Variants in KPNA1 observed in about 807,000 individuals in gnomAD.
KPNA1 encodes the protein karyopherin subunit alpha 1, also known as importin subunit alpha-5.
Under a neutral mutation model 70.5 loss-of-function variants are expected in KPNA1, and 10 were observed. The observed-to-expected ratio is 0.14, with a 90% confidence interval of 0.09 to 0.24. The LOEUF (loss-of-function observed/expected upper bound fraction) is 0.24. KPNA1 is among the 10% of genes least tolerant of loss of function. The pLI, the probability that KPNA1 is intolerant of heterozygous loss-of-function variation, is 1.00. For synonymous variants in KPNA1, 192 were observed against 221.9 expected (o/e 0.87, Z 1.20); for missense variants, 397 against 637.9 (o/e 0.62, Z 4.07).
chr3:122,466,641 T>C (rs1195213771), intron 3 of KPNA1, among the ~76,000 whole-genome samples: 1 of 152,172 alleles, frequency 6.6e-6, no homozygotes, highest in Non-Finnish European at 1.5e-5. Context: ...AGAGTTCTGA[T>C]GTGGAATCAA....
chr3:122,513,661 G>T (rs2076981241), intron 1 of KPNA1, among the ~76,000 whole-genome samples: 1 of 151,824 alleles, frequency 6.6e-6, no homozygotes, highest in Admixed American at 6.6e-5. Context: ...AAACAAAACA[G>T]GAGGGGGGAA....
chr3:122,427,208 A>T, intron 13 of KPNA1, 36 bp from the exon 14 acceptor site: 1 of 1,450,386 alleles, frequency 6.9e-7, no homozygotes, highest in Non-Finnish European at 9.6e-7. Context: ...TTTATTGAAA[A>T]CTTCAATAAA....
At chr3:122,428,396 T>C (rs2075851951) in intron 12 of KPNA1, among the ~76,000 whole-genome samples, 1 of 152,360 alleles carries the variant, frequency 6.6e-6, no homozygotes, top group Non-Finnish European at 1.5e-5. Context: ...TAAGGTCATT[T>C]TGAAACTTAC....
chr3:122,496,319 AACAC>A (rs9289194), intron 2 of KPNA1, 114 bp downstream of exon 2: 476 of 439,510 alleles, frequency 1.1e-3, no homozygotes, highest in African/African-American at 2.2e-3. Context: ...AGAAGGGGAA[AACAC>A]ACACACACAC....
At chr3:122,444,444 A>C (rs1262865179) in intron 9 of KPNA1, among the ~76,000 whole-genome samples, 4 of 152,248 alleles carry the variant, frequency 2.6e-5, no homozygotes. Flanking sequence ...ATGTCCATGA[A>C]ATCTTCACGA....
chr3:122,514,094 T>C (rs1171504788), intron 1 of KPNA1, among the ~76,000 whole-genome samples: 1 of 152,182 alleles, frequency 6.6e-6, no homozygotes, highest in East Asian at 1.9e-4. Context: ...GCTGCTTCCC[T>C]CGCATCGCAC....
chr3:122,454,119 C>T, intron 5 of KPNA1, 118 bp from the exon 6 acceptor site: 1 of 648,352 alleles, frequency 1.5e-6, no homozygotes, highest in Non-Finnish European at 2.5e-6. Flanking sequence ...TGCACATAAC[C>T]TATCAGTTGA....
chr3:122,430,892 A>T (rs1381636529), intron 12 of KPNA1, among the ~76,000 whole-genome samples: 1 of 152,158 alleles, frequency 6.6e-6, no homozygotes, highest in East Asian at 1.9e-4. Context: ...CCCAGTATTC[A>T]CCAGTCGATT....
intron 11 of KPNA1, among the ~76,000 whole-genome samples, chr3:122,434,467 A>G (rs1347029925): frequency 1.3e-5 from 2 of 152,154 alleles, no homozygotes; most frequent in African/African-American, 4.8e-5. Flanking sequence ...TTCTCACTGG[A>G]GCATCAGCCC....
Position 122,422,313 on chromosome 3 carries a change from C to G in KPNA1, c.*4672G>C, listed in dbSNP as rs1449797219. 6.8e-6 allele frequency: 1 copy of G among 147,604 alleles called. No homozygotes were observed. The highest frequency in any genetic ancestry group is 2.5e-5 in the African/African-American group (1 of 39,436). The allele number at this position is 147,604 out of a possible 1,614,324, so 9.1% of individuals were successfully genotyped here. A position where few individuals can be genotyped will look rare whatever the true frequency, so the allele number is the denominator to read the frequency against. On this transcript the variant is annotated 3_prime_UTR_variant, in exon 14 of 14. Transcript: ENST00000344337. ...CGTTTGAATGGATCCATGTGTTTAG[C>G]CATTATTTTACTAAACACAAAATCA...
At chr3:122,498,325 T>C (rs1236172064) in intron 1 of KPNA1, among the ~76,000 whole-genome samples, 1 of 152,206 alleles carries the variant, frequency 6.6e-6, no homozygotes, top group African/African-American at 2.4e-5. Context: ...CCCAAAGAGT[T>C]TGCTTGCTCC....
At chr3:122,448,191 C>T (rs1216912382) in intron 9 of KPNA1, among the ~76,000 whole-genome samples, 4 of 152,124 alleles carry the variant, frequency 2.6e-5, no homozygotes, top group African/African-American at 9.7e-5. Flanking sequence ...GACAGTGTGG[C>T]GATTCCTCAA....
intron 9 of KPNA1, among the ~76,000 whole-genome samples, chr3:122,445,755 T>A (rs2107731486): frequency 6.6e-6 from 1 of 152,224 alleles, no homozygotes; most frequent in East Asian, 1.9e-4. Context: ...GACCCATCAG[T>A]GTGCTATATT....
chr3:122,514,691 T>A (rs951655952), intron 1 of KPNA1, 66 bp downstream of exon 1: 2 of 152,306 alleles, frequency 1.3e-5, no homozygotes, highest in African/African-American at 4.8e-5. Context: ...CCTGAGTCCC[T>A]CCGGGACTGC....
intron 6 of KPNA1, among the ~76,000 whole-genome samples, chr3:122,452,819 G>C (rs2076224371): frequency 1.3e-5 from 2 of 151,750 alleles, no homozygotes; most frequent in Admixed American, 6.6e-5. Context: ...AAGATGGAGA[G>C]ACAGAAAGAG....
At chr3:122,470,749 A>G (rs2076432223) in intron 2 of KPNA1, among the ~76,000 whole-genome samples, 1 of 152,070 alleles carries the variant, frequency 6.6e-6, no homozygotes, top group Non-Finnish European at 1.5e-5. Flanking sequence ...AAAAAGTACA[A>G]TTGATATGCT....
In KPNA1 at chr3:122,464,451, A is replaced by G. The variant is rs745925885; in HGVS notation, c.238-410T>C. Among the ~76,000 whole-genome samples the G allele has an allele frequency of 2.6e-4, 40 of 152,148 alleles. 1 individual carries two copies. The highest frequency in any genetic ancestry group is 7.2e-5 in the African/African-American group (3 of 41,434). On this transcript the variant is annotated intron_variant, in intron 3 of 13. Transcript: ENST00000344337. ...TCAATCGTATGCCCCAGCCCTTATTACACTCCCAGATATTTTTCTGTGTTC... is the reference window on the plus strand; with the variant it reads ...TCAATCGTATGCCCCAGCCCTTATTGCACTCCCAGATATTTTTCTGTGTTC...
chr3:122,513,861 T>TG (rs1225603081), intron 1 of KPNA1, among the ~76,000 whole-genome samples: 2 of 152,208 alleles, frequency 1.3e-5, no homozygotes, highest in Non-Finnish European at 2.9e-5. Flanking sequence ...GCTCAGGAGT[T>TG]GGAGTACAGC....
chr3:122,467,445 T>C lies in KPNA1; in HGVS notation c.130-16A>G, dbSNP rs2076394117. 3 of 1,502,072 alleles carry C rather than the reference T, an allele frequency of 2.0e-6. No individual in the cohort carries two copies. The highest frequency in any genetic ancestry group is 3.4e-5 in the Admixed American group (2 of 58,558). 93.0% of individuals were successfully genotyped at this position (1,502,072 alleles called of 1,614,324 possible). A position where few individuals can be genotyped will look rare whatever the true frequency, so the allele number is the denominator to read the frequency against. On this transcript the variant is annotated splice_polypyrimidine_tract_variant and intron_variant, in intron 2 of 13. Transcript: ENST00000344337. The stretch of plus-strand genomic sequence containing the variant: ...GCTTGAATAACTGAAAGATAAAAGA[T>C]TGGTAGCAATGTAAATGTAAATTCT...
Sources: gnomAD v4.1 joint callset for allele counts (sites outside exome capture counted in the v4.1 genomes callset) on GRCh38, gnomAD v4.1.1 for gene constraint, MANE v1.5 for transcripts, NCBI Gene and HGNC (gene_info 2026-07-23, HGNC 2026-07-21) for gene names.